TENM2: variants seen among roughly 807,000 people sequenced by gnomAD.
TENM2 encodes teneurin transmembrane protein 2.
TENM2 carries 52 observed loss-of-function variants against 245.2 expected under a neutral mutation model. The observed-to-expected ratio is 0.21, with a 90% CI of 0.17 to 0.27. The LOEUF (loss-of-function observed/expected upper bound fraction) is 0.27, where lower values mean the gene tolerates loss of function less well. TENM2 is among the 10% of genes least tolerant of loss of function. The pLI is 1.00. For missense variants in TENM2, 3,046 were observed against 3,666.8 expected (o/e 0.83, Z 4.37); for synonymous variants, 1,363 against 1,438.9 (o/e 0.95, Z 1.19).
At chr5:167,863,854 C>A (rs990429977) in intron 2 of TENM2, among the ~76,000 whole-genome samples, 1 of 152,126 alleles carries the variant, frequency 6.6e-6, no homozygotes, top group Non-Finnish European at 1.5e-5. Context: ...TTTTCAGATA[C>A]AAGGCAATGA....
intron 13 of TENM2, among the ~76,000 whole-genome samples, chr5:168,179,134 GAAAAA>G (rs35502066): frequency 0.093 from 9,310 of 100,016 alleles, 381 homozygotes; most frequent in Middle Eastern, 0.18. Context: ...GACTCTGCCT[GAAAAA>G]AAAAAAAAAA....
chr5:167,971,047 ATGTCC>A (rs1436412987), intron 4 of TENM2, among the ~76,000 whole-genome samples: 4 of 152,294 alleles, frequency 2.6e-5, no homozygotes, highest in African/African-American at 9.6e-5. Flanking sequence ...GGACATCCTC[ATGTCC>A]TGTCGATAAT....
chr5:168,195,577 TGTGTGTG>T lies in TENM2; in HGVS notation c.2900+283_2900+289del, dbSNP rs1486678426. ...GTGTGTGTGTGTGTGTGTGTGTGTG[TGTGTGTG>T]TGTGTGTGTGTGTGTGTGTGTGTGT... On this transcript the variant is annotated intron_variant, in intron 15 of 28. Coordinates refer to ENST00000518659, the Ensembl canonical transcript of TENM2. Among the ~76,000 whole-genome samples the T allele has an allele frequency of 2.0e-3, 251 of 128,116 alleles. 2 individuals are homozygous for T. The highest frequency in any genetic ancestry group is 2.7e-3 in the Non-Finnish European group (170 of 62,164). 84.0% of individuals were successfully genotyped at this position (128,116 alleles called of 152,430 possible).
intron 2 of TENM2, among the ~76,000 whole-genome samples, chr5:167,784,709 A>C (rs1284003818): frequency 6.6e-6 from 1 of 152,184 alleles, no homozygotes; most frequent in Non-Finnish European, 1.5e-5. Flanking sequence ...ACACATTTGC[A>C]TTTGTCATTG....
intron 2 of TENM2, among the ~76,000 whole-genome samples, chr5:167,625,178 C>T (rs1047264542): frequency 6.6e-6 from 1 of 152,166 alleles, no homozygotes; most frequent in African/African-American, 2.4e-5. Flanking sequence ...AGCAACTCCT[C>T]TTCTGAATTT....
chr5:167,745,232 A>C (rs1761475274), intron 2 of TENM2, among the ~76,000 whole-genome samples: 1 of 152,236 alleles, frequency 6.6e-6, no homozygotes, highest in Non-Finnish European at 1.5e-5. Flanking sequence ...GATGGAGGCA[A>C]TGTTGTCCAG....
At chr5:167,658,904 G>T (rs1404127561) in intron 2 of TENM2, among the ~76,000 whole-genome samples, 1 of 152,096 alleles carries the variant, frequency 6.6e-6, no homozygotes, top group Non-Finnish European at 1.5e-5. Context: ...GAGTTCCCTG[G>T]TTTTAATTAT....
At chr5:167,895,212 C>A (rs1294364944) in intron 3 of TENM2, among the ~76,000 whole-genome samples, 1 of 152,044 alleles carries the variant, frequency 6.6e-6, no homozygotes, top group Non-Finnish European at 1.5e-5. Context: ...CCCTCCTCCT[C>A]TTCCTCTCCC....
At chr5:167,409,533 A>G (rs906286810) in intron 2 of TENM2, among the ~76,000 whole-genome samples, 7 of 152,052 alleles carry the variant, frequency 4.6e-5, no homozygotes, top group Non-Finnish European at 1.0e-4. Context: ...TTAAGCTTTA[A>G]AAAAACAAAG....
At chr5:167,270,203 G>A in the TENM2 span, among the ~76,000 whole-genome samples, 2 of 152,094 alleles carry the variant, frequency 1.3e-5, no homozygotes, top group African/African-American at 2.4e-5. Context: ...AAAGTGCCAC[G>A]CTGCTAACTC....
the TENM2 span, among the ~76,000 whole-genome samples, chr5:167,068,130 C>T: frequency 3.3e-5 from 5 of 152,124 alleles, no homozygotes; most frequent in East Asian, 1.9e-4. Context: ...TTAGGCTGCT[C>T]GAATTTAACA....
chr5:168,116,129 A>G (rs1402044110), intron 9 of TENM2, among the ~76,000 whole-genome samples: 2 of 151,998 alleles, frequency 1.3e-5, no homozygotes. Context: ...CTCTTTTTCT[A>G]CCCTCTGTTA....
rs1768073757 is a variant in TENM2 at position 168,260,373 on chromosome 5, C to T, written c.7523C>T (p.Pro2508Leu). The stretch of plus-strand genomic sequence containing the variant: ...GCCAAAATGTATTTCGTGCCTCCTC[C>T]CTATGAATTGTCAGAGAGTCAAGCA... The change falls in exon 28 of 29, where the codon CCC becomes CTC. Residue 2508 changes from proline (P) to leucine (L), a missense_variant. By Grantham distance (98) the Pro-to-Leu change is moderately conservative. This residue lies in a region of TENM2 where 2,704 missense variants were observed against 3,331.9 expected (regional missense o/e 0.81). Transcript: ENST00000518659. 6.2e-7 allele frequency: 1 copy of T among 1,613,824 alleles called. No homozygotes were observed. The highest frequency in any genetic ancestry group is 1.7e-5 in the Admixed American group (1 of 60,002).
intron 2 of TENM2, among the ~76,000 whole-genome samples, chr5:167,858,719 GCGAC>G (rs1378695137): frequency 2.0e-5 from 3 of 150,952 alleles, no homozygotes; most frequent in Non-Finnish European, 3.0e-5. Flanking sequence ...AGCCGCTGCC[GCGAC>G]CGACCGCAGC....
intron 2 of TENM2, among the ~76,000 whole-genome samples, chr5:167,805,196 C>A (rs528711279): frequency 5.3e-5 from 8 of 152,100 alleles, no homozygotes; most frequent in African/African-American, 1.9e-4. Context: ...GTGTAGCACT[C>A]GTGTCACTGA....
chr5:167,405,769 A>ACACACACACAC (rs1762599972), intron 2 of TENM2, among the ~76,000 whole-genome samples: 1 of 145,284 alleles, frequency 6.9e-6, no homozygotes, highest in South Asian at 2.3e-4. Flanking sequence ...CACACACACA[A>ACACACACACAC]ACACACACAC....
chr5:167,840,814 G>T (rs1022648955), intron 2 of TENM2, among the ~76,000 whole-genome samples: 4 of 152,130 alleles, frequency 2.6e-5, no homozygotes, highest in African/African-American at 9.7e-5. Context: ...AAAAAACAAT[G>T]TGTGGTCTAT....
At chr5:167,497,710 T>C (rs998998374) in intron 2 of TENM2, among the ~76,000 whole-genome samples, 34 of 152,210 alleles carry the variant, frequency 2.2e-4, no homozygotes, top group African/African-American at 6.7e-4. Flanking sequence ...ACAGCAAACT[T>C]GTTTCACCCC....
the TENM2 span, among the ~76,000 whole-genome samples, chr5:167,251,006 A>T: frequency 1.4e-4 from 22 of 152,150 alleles, no homozygotes; most frequent in Non-Finnish European, 3.1e-4. Flanking sequence ...AGAAAGAATA[A>T]ACTATGAGAG....
Sources: gnomAD v4.1 joint callset for allele counts (sites outside exome capture counted in the v4.1 genomes callset) on GRCh38, gnomAD v4.1.1 for gene constraint, gnomAD v4.1.1 regional missense constraint, MANE v1.5 for transcripts, NCBI Gene and HGNC (gene_info 2026-07-23, HGNC 2026-07-21) for gene names.